CCDC14: variants seen among roughly 807,000 people sequenced by gnomAD.
The protein encoded by CCDC14 is coiled-coil domain containing 14, also known as coiled-coil domain-containing protein 14.
In CCDC14, 71 loss-of-function variants were observed where a neutral mutation model predicts 81.4. That is an observed-to-expected ratio of 0.87 (90% confidence interval 0.72 to 1.06). The LOEUF (loss-of-function observed/expected upper bound fraction) is 1.06, where lower values mean the gene tolerates loss of function less well. Among genes scored for constraint, CCDC14 ranks in the 50% least tolerant of loss-of-function variants. The probability of loss-of-function intolerance (pLI) is 0.00; values close to 1 mark genes in which losing one functional copy is unlikely to be tolerated. For missense variants in CCDC14, 1,046 were observed against 1,047.3 expected, an observed-to-expected ratio of 1.00 and a Z score of 0.02; for synonymous variants, 332 against 364.8, an observed-to-expected ratio of 0.91 and a Z score of 1.03.
rs1198498624 is a variant in CCDC14, at chr3:123,949,675, T to C, written c.353-543A>G. ...ATCACTCCCAACTCCAATTTTTCAT[T>C]TCAGGCAGGCCAATTTAGTTACCCA... On this transcript the variant is annotated intron_variant, in intron 5 of 12. Transcript: ENST00000409697. 2.0e-5 allele frequency: 3 copies of C among 153,284 alleles called. No individual in the cohort carries two copies. In the East Asian group the frequency reaches 5.8e-4, roughly 29 times the overall value. 9.5% of individuals were successfully genotyped at this position (153,284 alleles called of 1,614,324 possible).
the CCDC14 span, among the ~76,000 whole-genome samples, chr3:123,889,782 C>T: frequency 6.6e-6 from 1 of 152,192 alleles, no homozygotes; most frequent in Non-Finnish European, 1.5e-5. Flanking sequence ...GGCTCCAACT[C>T]CACATTTCCC....
At chr3:123,940,366 T>C (rs2036285012) in intron 9 of CCDC14, among the ~76,000 whole-genome samples, 1 of 152,024 alleles carries the variant, frequency 6.6e-6, no homozygotes, top group Non-Finnish European at 1.5e-5. Context: ...AATCTCAGTC[T>C]TTCTCCCTGT....
intron 9 of CCDC14, among the ~76,000 whole-genome samples, chr3:123,937,461 TA>T (rs1241879191): frequency 6.6e-6 from 1 of 152,036 alleles, no homozygotes; most frequent in Non-Finnish European, 1.5e-5. Context: ...TCATATTTGA[TA>T]TCCACTTATT....
Position 123,947,145 on chromosome 3 carries a change from T to A in CCDC14, c.859A>T (p.Ile287Phe), listed in dbSNP as rs1577316171. The A allele has an allele frequency of 6.2e-7, 1 of 1,613,932 alleles. No individual in the cohort carries two copies. Among genetic ancestry groups the A allele is most frequent in the African/African-American group, 1.3e-5 (1 of 75,006 alleles). The change falls in exon 8 of 13, where the codon ATT (isoleucine) becomes TTT (phenylalanine). Residue 287 changes from isoleucine (I) to phenylalanine (F), a missense_variant. Coordinates refer to ENST00000409697, the MANE Select transcript of CCDC14 (RefSeq NM_001366335.1). ...TLQQLGLVNG[I>F]LPQQGIHKET... ...TTATGAATTCCTTGTTGTGGCAGAA[T>A]TCCATTAACAAGGCCCAGTTGCTGC...
Position 123,944,881 on chromosome 3 carries a change from T to C in CCDC14, c.1311A>G (p.Gln437=). ...ACTGAGCATTCTCACTTCTTAATGG[T>C]TGCATGGCCAGTGCTATCTCAACTT... ...DIQVEIALAM[Q]PLRSENAQLR... is the part of the protein sequence containing the mutation. The change falls in exon 9 of 13, where the codon CAA becomes CAG. Residue 437 remains glutamine, a synonymous_variant. Coordinates refer to ENST00000409697, the MANE Select transcript of CCDC14 (RefSeq NM_001366335.1). 1.2e-6 allele frequency: 2 copies of C among 1,611,830 alleles called. No individual in the cohort carries two copies. Among genetic ancestry groups the C allele is most frequent in the Non-Finnish European group, 1.7e-6 (2 of 1,178,514 alleles).
intron 5 of CCDC14, among the ~76,000 whole-genome samples, chr3:123,904,870 A>T (rs527450830): frequency 1.3e-5 from 2 of 152,304 alleles, no homozygotes; most frequent in African/African-American, 4.8e-5. Flanking sequence ...CTTCACACAG[A>T]AGAGTAAAGG....
At chr3:123,903,857 G>A (rs2034240599) in intron 5 of CCDC14, among the ~76,000 whole-genome samples, 1 of 152,130 alleles carries the variant, frequency 6.6e-6, no homozygotes, top group Non-Finnish European at 1.5e-5. Context: ...AAGGTAGTGT[G>A]ATTCTGAAGC....
At position 123,956,042 on chromosome 3, in the gene CCDC14, A is replaced by G. The variant is rs2037309352; in HGVS notation, c.229+4T>C. The G allele has an allele frequency of 6.5e-7, 1 of 1,542,234 alleles. No homozygotes were observed. The highest frequency in any genetic ancestry group is 1.4e-5 in the African/African-American group (1 of 72,322). On this transcript the variant is annotated splice_donor_region_variant and intron_variant, in intron 4 of 12. Coordinates refer to ENST00000409697, the MANE Select transcript of CCDC14 (RefSeq NM_001366335.1). ...TGATCAGCAAAGAATTAAAAAAAAA[A>G]AACCTGAATCTTCATTTCTCAAAAT...
At chr3:123,943,769 T>C (rs1043811676) in intron 9 of CCDC14, among the ~76,000 whole-genome samples, 34 of 152,182 alleles carry the variant, frequency 2.2e-4, no homozygotes, top group African/African-American at 8.0e-4. Flanking sequence ...AGCTTCCAGA[T>C]AAACACATGG....
chr3:123,904,983 A>G (rs2034275568), intron 5 of CCDC14, among the ~76,000 whole-genome samples: 1 of 152,200 alleles, frequency 6.6e-6, no homozygotes, highest in South Asian at 2.1e-4. Flanking sequence ...AAAGTATGGT[A>G]TTGCACAGAG....
intron 7 of CCDC14, among the ~76,000 whole-genome samples, chr3:123,948,051 T>G (rs903693192): frequency 3.9e-5 from 6 of 152,040 alleles, no homozygotes; most frequent in African/African-American, 1.4e-4. Flanking sequence ...AAGCAAATGT[T>G]AACAAATACA....
intron 5 of CCDC14, among the ~76,000 whole-genome samples, chr3:123,902,807 A>T (rs4322949): frequency 0.84 from 128,010 of 152,162 alleles, 54,227 homozygotes; most frequent in East Asian, 0.96. Flanking sequence ...TTATCTTTTT[A>T]AAAAATTTTT....
At chr3:123,920,615 GGA>G (rs2034988868) in intron 12 of CCDC14, among the ~76,000 whole-genome samples, 1 of 152,136 alleles carries the variant, frequency 6.6e-6, no homozygotes, top group Admixed American at 6.5e-5. Context: ...CAGAAATGAG[GGA>G]GAAATAAAAA....
At chr3:123,902,043 G>C (rs1178565509) in intron 5 of CCDC14, among the ~76,000 whole-genome samples, 1 of 152,102 alleles carries the variant, frequency 6.6e-6, no homozygotes, top group African/African-American at 2.4e-5. Context: ...GACAATGTAA[G>C]TATCAAAGAA....
intron 1 of CCDC14, chr3:123,957,168 T>C (rs1309247554): frequency 6.5e-6 from 1 of 153,268 alleles, no homozygotes; most frequent in Non-Finnish European, 1.5e-5. Context: ...CATTATTCAC[T>C]GTTTTAATTA....
At chr3:123,934,279 A>AAAG in intron 9 of CCDC14, among the ~76,000 whole-genome samples, 1 of 150,218 alleles carries the variant, frequency 6.7e-6, no homozygotes, top group African/African-American at 2.4e-5. Context: ...TCAAAAAAAA[A>AAAG]AAAAAAAAAA....
chr3:123,960,333 G>T (rs1419857668), intron 1 of CCDC14, among the ~76,000 whole-genome samples: 4 of 152,116 alleles, frequency 2.6e-5, no homozygotes, highest in Non-Finnish European at 5.9e-5. Flanking sequence ...TGTGAGGTGG[G>T]AACCTAAATT....
the CCDC14 span, among the ~76,000 whole-genome samples, chr3:123,888,953 AAT>A: frequency 6.6e-6 from 1 of 152,180 alleles, no homozygotes; most frequent in Non-Finnish European, 1.5e-5. Flanking sequence ...ATAGTCTCCC[AAT>A]CTTAACTCAT....
At chr3:123,946,293 G>A (rs927672586) in intron 8 of CCDC14, among the ~76,000 whole-genome samples, 1 of 151,946 alleles carries the variant, frequency 6.6e-6, no homozygotes, top group South Asian at 2.1e-4. Context: ...ATCTGGCTCA[G>A]AAACACCTTG....
Sources: gnomAD v4.1 joint callset for allele counts (sites outside exome capture counted in the v4.1 genomes callset) on GRCh38, gnomAD v4.1.1 for gene constraint, MANE v1.5 for transcripts, NCBI Gene and HGNC (gene_info 2026-07-23, HGNC 2026-07-21) for gene names.